The following AFG2A variants were observed in gnomAD, a reference collection of about 807,000 sequenced individuals.
AFG2A encodes ATPase family gene 2 protein homolog A.
the AFG2A span, among the ~76,000 whole-genome samples, chr4:123,157,693 G>A: frequency 2.6e-5 from 4 of 152,248 alleles, no homozygotes; most frequent in African/African-American, 7.2e-5. Context: ...ATTAGTTCAC[G>A]TAAAACAAAT....
At chr4:123,079,745 C>CTTTT in the AFG2A span, among the ~76,000 whole-genome samples, 2,060 of 72,404 alleles carry the variant, frequency 0.028, 7 homozygotes, top group Non-Finnish European at 0.035. Context: ...TCTTTTCCTT[C>CTTTT]TTTTTTTTTT....
At chr4:123,088,716 GCTCT>G in the AFG2A span, among the ~76,000 whole-genome samples, 1 of 151,036 alleles carries the variant, frequency 6.6e-6, no homozygotes, top group African/African-American at 2.4e-5. Flanking sequence ...CCCCCTTCGT[GCTCT>G]CTCTCTCTCT....
chr4:123,133,009 T>C, the AFG2A span, among the ~76,000 whole-genome samples: 1 of 152,134 alleles, frequency 6.6e-6, no homozygotes, highest in Non-Finnish European at 1.5e-5. Context: ...CTCGATCTCC[T>C]GACCTCATGA....
At chr4:123,117,404 C>G in the AFG2A span, among the ~76,000 whole-genome samples, 2 of 149,944 alleles carry the variant, frequency 1.3e-5, no homozygotes, top group African/African-American at 4.9e-5. Context: ...ACATTGCTTT[C>G]CAGAGATTGA....
the AFG2A span, among the ~76,000 whole-genome samples, chr4:123,126,976 T>A: frequency 6.6e-6 from 1 of 152,116 alleles, no homozygotes; most frequent in Non-Finnish European, 1.5e-5. Context: ...ATCCCAACAT[T>A]TTGGGAGCCT....
the AFG2A span, among the ~76,000 whole-genome samples, chr4:123,160,253 A>AAAT: frequency 2.0e-5 from 3 of 152,132 alleles, no homozygotes; most frequent in Admixed American, 1.3e-4. Context: ...CATCCTTAAA[A>AAAT]AATAATAATA....
chr4:123,301,622 C>T, the AFG2A span, among the ~76,000 whole-genome samples: 78,092 of 152,002 alleles, frequency 0.51, 24,605 homozygotes, highest in Non-Finnish European at 0.67. Flanking sequence ...TATAAATAAT[C>T]CTATTTTCTT....
chr4:123,105,162 A>G, the AFG2A span, among the ~76,000 whole-genome samples: 2 of 152,182 alleles, frequency 1.3e-5, no homozygotes, highest in African/African-American at 2.4e-5. Flanking sequence ...GTGCTCATTT[A>G]CCATTCTGAA....
chr4:123,313,566 T>C, the AFG2A span, among the ~76,000 whole-genome samples: 1 of 152,200 alleles, frequency 6.6e-6, no homozygotes, highest in Non-Finnish European at 1.5e-5. Flanking sequence ...TTGTTAAAAG[T>C]ATGTGCGTGC....
the AFG2A span, among the ~76,000 whole-genome samples, chr4:123,130,144 A>G: frequency 6.6e-6 from 1 of 151,380 alleles, no homozygotes; most frequent in African/African-American, 2.4e-5. Flanking sequence ...AGTAGCAGGG[A>G]CTATAGGTGC....
the AFG2A span, among the ~76,000 whole-genome samples, chr4:123,024,497 A>G: frequency 6.6e-6 from 1 of 152,222 alleles, no homozygotes; most frequent in South Asian, 2.1e-4. Flanking sequence ...CGAGAGTCCC[A>G]GTTCCTCCTC....
the AFG2A span, among the ~76,000 whole-genome samples, chr4:122,989,804 T>A: frequency 6.6e-6 from 1 of 152,194 alleles, no homozygotes; most frequent in African/African-American, 2.4e-5. Context: ...GGGGGTGGGA[T>A]GAAGCATTTA....
At chr4:122,988,326 A>G in the AFG2A span, among the ~76,000 whole-genome samples, 10 of 147,662 alleles carry the variant, frequency 6.8e-5, no homozygotes, top group African/African-American at 2.6e-4. Flanking sequence ...CATAAAGCCT[A>G]AAGAACTCCA....
At chr4:123,052,582 G>A in the AFG2A span, among the ~76,000 whole-genome samples, 2 of 152,174 alleles carry the variant, frequency 1.3e-5, no homozygotes, top group Non-Finnish European at 2.9e-5. Flanking sequence ...GTTTGTGCCT[G>A]TCCTTCTTTA....
the AFG2A span, chr4:122,927,617 T>G: frequency 6.3e-7 from 1 of 1,589,962 alleles, no homozygotes. Context: ...CAAAAATAAT[T>G]TTCTTTTCCT....
At chr4:122,948,507 G>A in the AFG2A span, among the ~76,000 whole-genome samples, 1 of 151,616 alleles carries the variant, frequency 6.6e-6, no homozygotes, top group East Asian at 1.9e-4. Flanking sequence ...CTGTGCTGTG[G>A]AAATCAGGGA....
At chr4:123,141,033 G>A in the AFG2A span, among the ~76,000 whole-genome samples, 1,135 of 152,214 alleles carry the variant, frequency 7.5e-3, 6 homozygotes, top group Middle Eastern at 0.044. Flanking sequence ...TTCATGATTT[G>A]CAACTAATTT....
the AFG2A span, among the ~76,000 whole-genome samples, chr4:123,240,810 C>CA: frequency 1.8e-4 from 28 of 151,932 alleles, no homozygotes; most frequent in Non-Finnish European, 7.4e-5. Flanking sequence ...TAGACACACA[C>CA]AAAAAACCCT....
the AFG2A span, among the ~76,000 whole-genome samples, chr4:123,069,452 C>T: frequency 1.8e-4 from 28 of 152,178 alleles, 1 homozygote; most frequent in South Asian, 5.4e-3. Flanking sequence ...CTGTGGCACC[C>T]TCTTCCCAAA....
Sources: gnomAD v4.1 joint callset for allele counts (sites outside exome capture counted in the v4.1 genomes callset) on GRCh38, gnomAD v4.1.1 for gene constraint, MANE v1.5 for transcripts, NCBI Gene and HGNC (gene_info 2026-07-23, HGNC 2026-07-21) for gene names.